CUL3: variants seen among roughly 807,000 people sequenced by gnomAD.
The protein encoded by CUL3 is cullin-3.
A neutral mutation model predicts 89.1 loss-of-function variants in CUL3; 19 were observed. The ratio of observed to expected loss-of-function variants is 0.21; its 90% CI spans 0.15 to 0.31. The LOEUF (loss-of-function observed/expected upper bound fraction) is 0.31, where lower values mean the gene tolerates loss of function less well. CUL3 is among the 10% of genes least tolerant of loss of function. The pLI, the probability that CUL3 is intolerant of heterozygous loss-of-function variation, is 1.00. For missense variants in CUL3, 469 were observed against 942.3 expected (o/e 0.50, Z 6.58); for synonymous variants, 351 against 308.4 (o/e 1.14, Z -1.45).
chr2:224,557,558 TG>T, intron 2 of CUL3, 100 bp downstream of exon 2: 1 of 748,846 alleles, frequency 1.3e-6, no homozygotes. Context: ...TATAGGCTTC[TG>T]GCACCTTTAA....
intron 3 of CUL3, among the ~76,000 whole-genome samples, chr2:224,524,490 T>C (rs370409482): frequency 1.8e-4 from 28 of 152,288 alleles, no homozygotes; most frequent in African/African-American, 6.5e-4. Flanking sequence ...GTTAGAATTC[T>C]AGGAACATTA....
intron 2 of CUL3, among the ~76,000 whole-genome samples, chr2:224,539,229 A>G (rs1032320659): frequency 5.3e-5 from 8 of 152,248 alleles, no homozygotes; most frequent in Admixed American, 3.9e-4. Context: ...ATAGGTCATT[A>G]GGACACTGCA....
At chr2:224,511,726 A>C (rs927066228) in intron 5 of CUL3, 144 bp from the exon 6 acceptor site, 2 of 555,274 alleles carry the variant, frequency 3.6e-6, no homozygotes, top group Non-Finnish European at 6.2e-6. Context: ...CATTACACGA[A>C]AGACTGATAT....
intron 3 of CUL3, among the ~76,000 whole-genome samples, chr2:224,516,348 C>T (rs1188371064): frequency 4.9e-5 from 7 of 142,378 alleles, no homozygotes; most frequent in Admixed American, 7.3e-5. Context: ...TATGGGGTGT[C>T]GCTCTGTCAC....
chr2:224,576,016 G>GT (rs1695289436), intron 1 of CUL3, among the ~76,000 whole-genome samples: 1 of 152,168 alleles, frequency 6.6e-6, no homozygotes, highest in South Asian at 2.1e-4. Context: ...TATTAACATA[G>GT]TATCTGTGAG....
At chr2:224,514,471 T>C in intron 4 of CUL3, 141 bp downstream of exon 4, 2 of 628,508 alleles carry the variant, frequency 3.2e-6, no homozygotes, top group South Asian at 3.7e-5. Flanking sequence ...AACTGTTAAC[T>C]CTGATACTAA....
chr2:224,565,919 T>G (rs1172211304), intron 1 of CUL3, among the ~76,000 whole-genome samples: 2 of 152,210 alleles, frequency 1.3e-5, no homozygotes, highest in African/African-American at 4.8e-5. Flanking sequence ...CTTTTATGGC[T>G]TTTTAACAAT....
chr2:224,495,360 A>T (rs1352137964), intron 13 of CUL3: 1 of 152,584 alleles, frequency 6.6e-6, no homozygotes, highest in Admixed American at 6.5e-5. Context: ...AGGTGAACTG[A>T]CAAAGGATTA....
chr2:224,540,425 G>A (rs747725828), intron 2 of CUL3, among the ~76,000 whole-genome samples: 12 of 151,736 alleles, frequency 7.9e-5, no homozygotes, highest in Non-Finnish European at 1.5e-4. Flanking sequence ...GGGAGGGAGG[G>A]AAGAAGGAAG....
chr2:224,543,988 C>CAA (rs1326396208), intron 2 of CUL3, among the ~76,000 whole-genome samples: 3 of 141,396 alleles, frequency 2.1e-5, no homozygotes, highest in African/African-American at 5.2e-5. Flanking sequence ...CCTCCCATTT[C>CAA]AAAAAAAAAA....
intron 13 of CUL3, chr2:224,495,575 C>A: frequency 3.9e-6 from 1 of 256,104 alleles, no homozygotes; most frequent in Non-Finnish European, 7.4e-6. Context: ...TACAAAGATG[C>A]ACTCATTTAA....
intron 5 of CUL3, among the ~76,000 whole-genome samples, 170 bp from the exon 6 acceptor site, chr2:224,511,752 CT>C (rs1692835211): frequency 6.6e-6 from 1 of 152,098 alleles, no homozygotes; most frequent in South Asian, 2.1e-4. Context: ...GAATTATATC[CT>C]TTAAAGCCTT....
chr2:224,523,581 AATGAAAG>A (rs1693349116), intron 3 of CUL3, among the ~76,000 whole-genome samples: 1 of 152,222 alleles, frequency 6.6e-6, no homozygotes, highest in African/African-American at 2.4e-5. Flanking sequence ...ACCCAAAAGA[AATGAAAG>A]CACATCTTGA....
chr2:224,529,584 G>A (rs187597329), intron 3 of CUL3, among the ~76,000 whole-genome samples: 11 of 151,728 alleles, frequency 7.2e-5, no homozygotes, highest in African/African-American at 1.5e-4. Flanking sequence ...AGCTGAGATC[G>A]TGCCACTGTA....
intron 1 of CUL3, among the ~76,000 whole-genome samples, chr2:224,572,575 T>C (rs1015292104): frequency 7.4e-5 from 10 of 135,502 alleles, no homozygotes; most frequent in African/African-American, 2.9e-5. Context: ...CTGGAGGGCA[T>C]GGCTACAGTT....
intron 3 of CUL3, among the ~76,000 whole-genome samples, chr2:224,521,771 T>C (rs565285234): frequency 6.6e-6 from 1 of 151,934 alleles, no homozygotes; most frequent in Non-Finnish European, 1.5e-5. Context: ...GTCCCACATA[T>C]GGCCAGCAGT....
chr2:224,521,261 G>T (rs545672021), intron 3 of CUL3, among the ~76,000 whole-genome samples: 1 of 152,098 alleles, frequency 6.6e-6, no homozygotes. Flanking sequence ...TGTTTCATTT[G>T]TAACTATGAG....
At chr2:224,585,363 C>CCTCCTCCTCCTT (rs1452554996), upstream of CUL3, 2 of 400,532 alleles carry the variant, frequency 5.0e-6, no homozygotes, top group South Asian at 1.3e-4. Context: ...ACGTCGTCCT[C>CCTCCTCCTCCTT]CTCCTCCTCC....
At chr2:224,513,363 A>T (rs1692914228) in intron 5 of CUL3, among the ~76,000 whole-genome samples, 161 bp downstream of exon 5, 2 of 152,232 alleles carry the variant, frequency 1.3e-5, no homozygotes, top group African/African-American at 2.4e-5. Context: ...CTTAACTGGA[A>T]TGGTCAGAAT....
Sources: allele counts gnomAD v4.1 joint callset (sites outside exome capture counted in the v4.1 genomes callset), GRCh38; gene constraint gnomAD v4.1.1; transcripts MANE v1.5; gene names NCBI Gene and HGNC (gene_info 2026-07-23, HGNC 2026-07-21).